Variants in NR6A1 observed in about 807,000 individuals in gnomAD.
NR6A1 encodes the protein retinoic acid receptor-related testis-associated receptor.
Under a neutral mutation model 59.1 loss-of-function variants are expected in NR6A1, and 7 were observed. The ratio of observed to expected loss-of-function variants is 0.12; its 90% CI spans 0.07 to 0.22. The LOEUF is 0.22. Among genes scored for constraint, NR6A1 ranks in the 10% least tolerant of loss-of-function variants. The pLI is 1.00. For missense variants in NR6A1, 468 were observed against 611.6 expected, an observed-to-expected ratio of 0.77 and a Z score of 2.48; for synonymous variants, 243 against 236.1, an observed-to-expected ratio of 1.03 and a Z score of -0.27.
intron 2 of NR6A1, among the ~76,000 whole-genome samples, chr9:124,600,071 G>C (rs1835403984): frequency 1.3e-5 from 2 of 152,202 alleles, no homozygotes; most frequent in Admixed American, 1.3e-4. Flanking sequence ...ACCTTTCAAT[G>C]AATGTCTGAT....
chr9:124,688,389 C>T (rs898156832), intron 2 of NR6A1, among the ~76,000 whole-genome samples: 4 of 151,896 alleles, frequency 2.6e-5, no homozygotes, highest in Non-Finnish European at 5.9e-5. Context: ...CTTATTGTAC[C>T]GTACTCACCT....
chr9:124,621,950 G>C (rs759749147), intron 2 of NR6A1, among the ~76,000 whole-genome samples: 1 of 152,044 alleles, frequency 6.6e-6, no homozygotes, highest in Non-Finnish European at 1.5e-5. Flanking sequence ...ATGGTGGCTC[G>C]TGCCTATAAT....
At chr9:124,770,936 G>T in intron 1 of NR6A1, 84 bp downstream of exon 1, 2 of 793,706 alleles carry the variant, frequency 2.5e-6, no homozygotes, top group Non-Finnish European at 3.4e-6. Flanking sequence ...CAGGGCGAGG[G>T]TCGGCAGAGA....
In NR6A1 at chr9:124,554,035, T is replaced by G. The variant is rs1224710798; in HGVS notation, c.385+293A>C. Among the ~76,000 whole-genome samples the G allele has an allele frequency of 4.6e-5, 7 of 152,298 alleles. No individual in the cohort carries two copies. In the East Asian group the frequency reaches 1.3e-3, roughly 29 times the overall value. ...CCAAAAATTTCTACTTCTGTCATCA[T>G]TCCTGAAATAACTAGTGAAGTATAT... On this transcript the variant is annotated intron_variant, in intron 3 of 9. Coordinates refer to ENST00000487099, the MANE Select transcript of NR6A1 (RefSeq NM_033334.4).
chr9:124,640,805 T>C (rs1289118820), intron 2 of NR6A1, among the ~76,000 whole-genome samples: 1 of 152,100 alleles, frequency 6.6e-6, no homozygotes, highest in Non-Finnish European at 1.5e-5. Flanking sequence ...GTATTTTTTG[T>C]AGCAATACAC....
intron 2 of NR6A1, among the ~76,000 whole-genome samples, chr9:124,561,424 GA>G (rs1213699930): frequency 6.6e-6 from 1 of 151,834 alleles, no homozygotes; most frequent in Non-Finnish European, 1.5e-5. Context: ...CGGGGCGGCG[GA>G]ATGAGATCCC....
intron 2 of NR6A1, among the ~76,000 whole-genome samples, chr9:124,622,626 T>C (rs966100265): frequency 1.3e-5 from 2 of 152,320 alleles, no homozygotes; most frequent in Admixed American, 1.3e-4. Context: ...TTGGGACTTT[T>C]GTTTTGATAC....
At chr9:124,661,431 A>G (rs989930363) in intron 2 of NR6A1, among the ~76,000 whole-genome samples, 2 of 152,230 alleles carry the variant, frequency 1.3e-5, no homozygotes, top group Non-Finnish European at 2.9e-5. Context: ...GAGACCCTGC[A>G]CAAGGAAGCT....
intron 7 of NR6A1, among the ~76,000 whole-genome samples, chr9:124,534,455 T>A (rs1186619038): frequency 6.6e-6 from 1 of 152,134 alleles, no homozygotes; most frequent in African/African-American, 2.4e-5. Flanking sequence ...GAAAATATGG[T>A]CACCCTGTGC....
chr9:124,608,873 T>C (rs1835654619), intron 2 of NR6A1, among the ~76,000 whole-genome samples: 1 of 152,232 alleles, frequency 6.6e-6, no homozygotes, highest in Admixed American at 6.5e-5. Flanking sequence ...ATGGATTTGA[T>C]TTGCATTTCT....
At chr9:124,647,484 C>G (rs1048725402) in intron 2 of NR6A1, among the ~76,000 whole-genome samples, 2 of 151,912 alleles carry the variant, frequency 1.3e-5, no homozygotes, top group African/African-American at 4.8e-5. Context: ...TCCCAATACA[C>G]TGGGAGGCTG....
At chr9:124,641,404 G>A (rs1836764681) in intron 2 of NR6A1, among the ~76,000 whole-genome samples, 1 of 151,464 alleles carries the variant, frequency 6.6e-6, no homozygotes. Context: ...TATGTGTTAG[G>A]AACTTTGAAA....
intron 2 of NR6A1, among the ~76,000 whole-genome samples, chr9:124,638,813 C>T (rs1462662843): frequency 6.6e-6 from 1 of 152,170 alleles, no homozygotes; most frequent in Non-Finnish European, 1.5e-5. Flanking sequence ...CACTGTTTAC[C>T]TCATAGGATT....
intron 2 of NR6A1, among the ~76,000 whole-genome samples, chr9:124,593,098 G>C (rs1262530163): frequency 6.6e-6 from 1 of 152,174 alleles, no homozygotes; most frequent in African/African-American, 2.4e-5. Flanking sequence ...CCCAAGCTCA[G>C]GTGTTTTTGC....
intron 2 of NR6A1, among the ~76,000 whole-genome samples, chr9:124,694,431 C>T (rs1282204945): frequency 2.0e-5 from 3 of 152,126 alleles, no homozygotes; most frequent in Non-Finnish European, 4.4e-5. Context: ...TATAGTATGA[C>T]TTAATATGAA....
chr9:124,540,378 G>A (rs879919285), intron 4 of NR6A1, among the ~76,000 whole-genome samples, 191 bp from the exon 5 acceptor site: 6 of 152,048 alleles, frequency 3.9e-5, no homozygotes, highest in Non-Finnish European at 7.4e-5. Flanking sequence ...ATGGCCCTTC[G>A]TGGCCTTCCT....
intron 2 of NR6A1, among the ~76,000 whole-genome samples, chr9:124,619,825 G>T (rs1308019962): frequency 6.6e-6 from 1 of 152,142 alleles, no homozygotes; most frequent in Non-Finnish European, 1.5e-5. Context: ...ACTTTGGGAG[G>T]CCGAGGCAGG....
intron 2 of NR6A1, among the ~76,000 whole-genome samples, chr9:124,588,657 C>G (rs912837091): frequency 6.8e-6 from 1 of 148,060 alleles, no homozygotes; most frequent in African/African-American, 2.5e-5. Flanking sequence ...TGGTGGCTCA[C>G]GCCGGTAATC....
At chr9:124,701,065 T>C (rs775716375) in intron 2 of NR6A1, among the ~76,000 whole-genome samples, 4 of 152,176 alleles carry the variant, frequency 2.6e-5, no homozygotes, top group South Asian at 2.1e-4. Context: ...CTGGCCTACA[T>C]ACAGTCTTTG....
Sources: allele counts gnomAD v4.1 joint callset (sites outside exome capture counted in the v4.1 genomes callset), GRCh38; gene constraint gnomAD v4.1.1; transcripts MANE v1.5; gene names NCBI Gene and HGNC (gene_info 2026-07-23, HGNC 2026-07-21).